Variants in CDH13 observed in about 807,000 individuals in gnomAD.
CDH13 encodes cadherin 13, also known as cadherin-13.
In CDH13, 24 loss-of-function variants were observed where a neutral mutation model predicts 63.8. That is an observed-to-expected ratio of 0.38 (90% CI 0.27 to 0.53). CDH13 has a LOEUF of 0.53. Ranked by LOEUF, CDH13 falls within the 20% of genes least tolerant of loss-of-function variation. The probability of loss-of-function intolerance (pLI) is 0.85; values close to 1 mark genes in which losing one functional copy is unlikely to be tolerated. For missense variants in CDH13, 1,049 were observed against 903.1 expected (o/e 1.16, Z -2.07); for synonymous variants, 503 against 355.3 (o/e 1.42, Z -4.67).
intron 3 of CDH13, among the ~76,000 whole-genome samples, chr16:83,112,651 A>G (rs1208249683): frequency 6.6e-6 from 1 of 152,088 alleles, no homozygotes; most frequent in Non-Finnish European, 1.5e-5. Flanking sequence ...ATGTGTGTGT[A>G]TTTTGATTAT....
intron 1 of CDH13, among the ~76,000 whole-genome samples, chr16:82,775,774 C>T (rs1450738812): frequency 6.6e-6 from 1 of 152,188 alleles, no homozygotes; most frequent in African/African-American, 2.4e-5. Context: ...GCACAGTGTA[C>T]ACCCTTGCAA....
chr16:83,150,391 CATT>C (rs2036927441), intron 4 of CDH13, among the ~76,000 whole-genome samples: 1 of 152,172 alleles, frequency 6.6e-6, no homozygotes, highest in African/African-American at 2.4e-5. Context: ...CCCTTGCTAT[CATT>C]ATCTCTGTCC....
intron 6 of CDH13, among the ~76,000 whole-genome samples, chr16:83,365,687 G>A (rs1278227774): frequency 6.6e-6 from 1 of 152,174 alleles, no homozygotes; most frequent in Non-Finnish European, 1.5e-5. Flanking sequence ...GCCCTTTAAA[G>A]CAGAAGAGGA....
intron 6 of CDH13, among the ~76,000 whole-genome samples, chr16:83,352,845 G>A (rs549952141): frequency 2.2e-4 from 33 of 152,132 alleles, no homozygotes; most frequent in Non-Finnish European, 3.2e-4. Flanking sequence ...AACCGAGATC[G>A]TGACACTGCA....
intron 3 of CDH13, among the ~76,000 whole-genome samples, chr16:83,035,428 T>C (rs909615128): frequency 6.6e-6 from 1 of 152,220 alleles, no homozygotes. Flanking sequence ...CTCCATGGGC[T>C]ACAAATGCTG....
At chr16:83,325,829 A>C (rs185576981) in intron 5 of CDH13, among the ~76,000 whole-genome samples, 2 of 152,300 alleles carry the variant, frequency 1.3e-5, no homozygotes, top group African/African-American at 4.8e-5. Flanking sequence ...CTCATCACTG[A>C]ATGAGGCATA....
At chr16:83,176,135 C>G (rs924638710) in intron 4 of CDH13, among the ~76,000 whole-genome samples, 7 of 151,406 alleles carry the variant, frequency 4.6e-5, no homozygotes, top group African/African-American at 1.5e-4. Context: ...CAGGCGTGAG[C>G]TACCATTCCC....
chr16:83,749,794 C>G (rs1161238897), intron 11 of CDH13, among the ~76,000 whole-genome samples: 1 of 152,136 alleles, frequency 6.6e-6, no homozygotes, highest in Non-Finnish European at 1.5e-5. Context: ...AGTGTCCTAA[C>G]TGTTCTGATG....
intron 1 of CDH13, among the ~76,000 whole-genome samples, chr16:82,789,723 C>T (rs1282610064): frequency 1.3e-5 from 2 of 152,172 alleles, no homozygotes; most frequent in Non-Finnish European, 2.9e-5. Context: ...TATTTTTACA[C>T]AGTGTGAAGT....
At chr16:82,962,309 G>T (rs1355502880) in intron 2 of CDH13, among the ~76,000 whole-genome samples, 1 of 152,234 alleles carries the variant, frequency 6.6e-6, no homozygotes, top group Non-Finnish European at 1.5e-5. Context: ...CCACCAGGAG[G>T]TGGATGAAGC....
intron 10 of CDH13, among the ~76,000 whole-genome samples, chr16:83,743,001 A>G (rs548954773): frequency 1.3e-5 from 2 of 152,290 alleles, no homozygotes; most frequent in Admixed American, 1.3e-4. Flanking sequence ...TGAGGTCAGG[A>G]GTTCGAGACC....
intron 10 of CDH13, among the ~76,000 whole-genome samples, chr16:83,713,343 T>C (rs1908353200): frequency 6.6e-6 from 1 of 152,160 alleles, no homozygotes; most frequent in African/African-American, 2.4e-5. Context: ...CACCCCACAT[T>C]TTTCCAATGA....
At chr16:83,093,271 G>C (rs2034010398) in intron 3 of CDH13, among the ~76,000 whole-genome samples, 1 of 99,704 alleles carries the variant, frequency 1.0e-5, no homozygotes, top group Admixed American at 1.1e-4. Context: ...ATTTGGATTT[G>C]TCCTGTGGAA....
intron 4 of CDH13, among the ~76,000 whole-genome samples, chr16:83,128,105 T>A (rs1597383927): frequency 6.6e-6 from 1 of 152,322 alleles, no homozygotes; most frequent in East Asian, 1.9e-4. Flanking sequence ...GCTTCTCAGC[T>A]CTCACCATGC....
intron 2 of CDH13, among the ~76,000 whole-genome samples, chr16:82,860,322 G>A (rs2039885068): frequency 1.4e-5 from 2 of 145,472 alleles, no homozygotes; most frequent in Non-Finnish European, 3.0e-5. Context: ...CATACTTTGG[G>A]GGGATCTTTT....
intron 6 of CDH13, among the ~76,000 whole-genome samples, chr16:83,426,717 A>G (rs1444904805): frequency 6.6e-6 from 1 of 152,014 alleles, no homozygotes; most frequent in East Asian, 1.9e-4. Context: ...ATGCTGAATG[A>G]TAGTCCTCAT....
chr16:83,271,673 G>A (rs550388184), intron 5 of CDH13, among the ~76,000 whole-genome samples: 3 of 152,076 alleles, frequency 2.0e-5, no homozygotes, highest in African/African-American at 4.8e-5. Context: ...GGGGAAGGTA[G>A]CACTTGTGAG....
At chr16:83,285,248 A>C (rs1018344400) in intron 5 of CDH13, among the ~76,000 whole-genome samples, 1 of 152,148 alleles carries the variant, frequency 6.6e-6, no homozygotes, top group African/African-American at 2.4e-5. Flanking sequence ...GTCATTATGT[A>C]GTTTTTTCTG....
chr16:83,220,652 CAAGAAAAAAAAAGAAA>C (rs1240177627), intron 5 of CDH13, among the ~76,000 whole-genome samples: 25 of 51,050 alleles, frequency 4.9e-4, no homozygotes, highest in African/African-American at 1.1e-3. Flanking sequence ...AAAAACAGAG[CAAGAAAAAAAAAGAAA>C]AAGAAAAAAA....
Sources: gnomAD v4.1 joint callset for allele counts (sites outside exome capture counted in the v4.1 genomes callset) on GRCh38, gnomAD v4.1.1 for gene constraint, MANE v1.5 for transcripts, NCBI Gene and HGNC (gene_info 2026-07-23, HGNC 2026-07-21) for gene names.